RALGAPA1: variants seen among roughly 807,000 people sequenced by gnomAD.
The protein encoded by RALGAPA1 is Ral GTPase activating protein catalytic subunit alpha 1, also known as ral GTPase-activating protein subunit alpha-1.
Under a neutral mutation model 269.6 loss-of-function variants are expected in RALGAPA1, and 52 were observed. The ratio of observed to expected loss-of-function variants is 0.19; its 90% CI spans 0.15 to 0.24. The LOEUF (loss-of-function observed/expected upper bound fraction) is 0.24, where lower values mean the gene tolerates loss of function less well. RALGAPA1 is among the 10% of genes least tolerant of loss of function. RALGAPA1 has a pLI of 1.00. For synonymous variants in RALGAPA1, 817 were observed against 1,008.3 expected (o/e 0.81, Z 3.60); for missense variants, 1,917 against 3,013.9 (o/e 0.64, Z 8.52).
chr14:35,807,643 T>C (rs773896776), intron 1 of RALGAPA1, among the ~76,000 whole-genome samples: 11 of 152,182 alleles, frequency 7.2e-5, no homozygotes, highest in Non-Finnish European at 1.5e-4. Flanking sequence ...GCAAGGATTA[T>C]CATAATTTAC....
chr14:35,637,979 C>T (rs191238119), intron 31 of RALGAPA1, among the ~76,000 whole-genome samples: 63 of 152,230 alleles, frequency 4.1e-4, no homozygotes, highest in Admixed American at 8.5e-4. Context: ...AAATATCCTT[C>T]GAACATGGAG....
At position 35,743,282 on chromosome 14, in the gene RALGAPA1, C is replaced by A. The variant is rs1397486700; in HGVS notation, c.1252-717G>T. 3.9e-5 allele frequency among the ~76,000 whole-genome samples: 6 copies of A among 151,920 alleles called. 1 individual carries two copies. In the South Asian group the frequency reaches 1.2e-3, roughly 32 times the overall value. On this transcript the variant is annotated intron_variant, in intron 10 of 41. Coordinates refer to ENST00000680220, the MANE Select transcript of RALGAPA1 (RefSeq NM_001346249.2). Reference sequence around the variant, plus strand: ...ATAAAAAACAACTTTTAAAAGTTAACCAATTCATTGTCGTAAAAAGCCTAT... The same window carrying A: ...ATAAAAAACAACTTTTAAAAGTTAAACAATTCATTGTCGTAAAAAGCCTAT...
intron 37 of RALGAPA1, among the ~76,000 whole-genome samples, chr14:35,585,174 A>G (rs559199491): frequency 3.3e-5 from 5 of 152,332 alleles, no homozygotes; most frequent in Non-Finnish European, 5.9e-5. Flanking sequence ...AAATGCATCA[A>G]GCAAAAACTG....
At chr14:35,647,966 A>C (rs904581346) in intron 31 of RALGAPA1, among the ~76,000 whole-genome samples, 1 of 151,208 alleles carries the variant, frequency 6.6e-6, no homozygotes, top group African/African-American at 2.4e-5. Flanking sequence ...TAAATAAATA[A>C]ATAAGATGTT....
At chr14:35,679,850 A>G (rs1422662787) in intron 21 of RALGAPA1, among the ~76,000 whole-genome samples, 1 of 152,188 alleles carries the variant, frequency 6.6e-6, no homozygotes, top group Non-Finnish European at 1.5e-5. Context: ...TCATATAATC[A>G]TATGATAATC....
chr14:35,703,856 CAA>C, intron 16 of RALGAPA1, among the ~76,000 whole-genome samples: 1 of 142,712 alleles, frequency 7.0e-6, no homozygotes, highest in African/African-American at 2.6e-5. Flanking sequence ...TTTCCCCTCT[CAA>C]AAAAAAAAAA....
chr14:35,683,044 A>G (rs1262127511), intron 21 of RALGAPA1, among the ~76,000 whole-genome samples: 1 of 152,238 alleles, frequency 6.6e-6, no homozygotes, highest in African/African-American at 2.4e-5. Flanking sequence ...CCAGCCAACC[A>G]CAAGATGCAA....
At chr14:35,722,047 TA>T (rs1216322929) in intron 15 of RALGAPA1, among the ~76,000 whole-genome samples, 198 bp from the exon 16 acceptor site, 1 of 152,162 alleles carries the variant, frequency 6.6e-6, no homozygotes, top group Non-Finnish European at 1.5e-5. Flanking sequence ...TGCGCAATTT[TA>T]AAATTACACC....
At chr14:35,554,005 C>G (rs1269029626) in intron 39 of RALGAPA1, among the ~76,000 whole-genome samples, 2 of 152,114 alleles carry the variant, frequency 1.3e-5, no homozygotes, top group African/African-American at 4.8e-5. Flanking sequence ...CTTCTCTAGA[C>G]AGAAGATTCC....
At chr14:35,772,363 A>G (rs2074700803) in intron 3 of RALGAPA1, among the ~76,000 whole-genome samples, 1 of 152,212 alleles carries the variant, frequency 6.6e-6, no homozygotes, top group Non-Finnish European at 1.5e-5. Flanking sequence ...GACAGAGAGC[A>G]GGATTTAAAA....
chr14:35,724,972 C>G, intron 14 of RALGAPA1, 52 bp downstream of exon 14: 1 of 1,388,878 alleles, frequency 7.2e-7, no homozygotes, highest in Non-Finnish European at 9.5e-7. Flanking sequence ...CAAAACAAAA[C>G]AAAACAACCC....
At chr14:35,557,381 TTTAA>T (rs2055730155) in intron 39 of RALGAPA1, among the ~76,000 whole-genome samples, 1 of 151,796 alleles carries the variant, frequency 6.6e-6, no homozygotes, top group Non-Finnish European at 1.5e-5. Context: ...TGTGCACTAA[TTTAA>T]TTAAGATTTT....
At chr14:35,611,345 T>C (rs575447002) in intron 35 of RALGAPA1, among the ~76,000 whole-genome samples, 75 of 151,754 alleles carry the variant, frequency 4.9e-4, no homozygotes, top group Non-Finnish European at 8.5e-4. Flanking sequence ...CTACTAAAAA[T>C]ACAAAAATCA....
At chr14:35,677,732 G>A in intron 22 of RALGAPA1, 2 of 484,630 alleles carry the variant, frequency 4.1e-6, no homozygotes, top group East Asian at 8.7e-5. Flanking sequence ...TAACTAATTT[G>A]AGGACTCTAA....
intron 27 of RALGAPA1, 111 bp downstream of exon 27, chr14:35,664,531 T>G: frequency 1.1e-6 from 1 of 884,092 alleles, no homozygotes; most frequent in Non-Finnish European, 1.7e-6. Context: ...GCTAATGTTC[T>G]TTAACAATTG....
At position 35,685,019 on chromosome 14, in the gene RALGAPA1, G is replaced by A; in HGVS notation, c.4204C>T (p.Pro1402Ser). The part of the protein sequence containing the change: ...DPGVPSEWTS[P>S]ASAGSSDLIS... ...AGATCACTGCTCCCTGCACTGGCAG[G>A]AGAAGTCCATTCTGAGGGCACACCT... The change falls in exon 20 of 42, where the codon CCT (proline) becomes TCT (serine). Residue 1402 changes from proline (P) to serine (S), a missense_variant. Physicochemically the swap from Pro to Ser is moderately conservative, Grantham distance 74. This residue lies in a region of RALGAPA1 where 615 missense variants were observed against 790.0 expected (regional missense o/e 0.78). Coordinates refer to ENST00000680220, the MANE Select transcript of RALGAPA1 (RefSeq NM_001346249.2). 1 of 1,612,296 alleles carries A rather than the reference G, an allele frequency of 6.2e-7. No individual in the cohort carries two copies. The highest frequency in any genetic ancestry group is 1.1e-5 in the South Asian group (1 of 90,550).
intron 35 of RALGAPA1, among the ~76,000 whole-genome samples, chr14:35,622,609 G>T (rs1404197058): frequency 6.6e-6 from 1 of 152,192 alleles, no homozygotes; most frequent in Non-Finnish European, 1.5e-5. Flanking sequence ...ATAAACAGCT[G>T]TGAAGCAGAG....
At chr14:35,657,725 C>G (rs1339313793) in intron 28 of RALGAPA1, among the ~76,000 whole-genome samples, 1 of 147,342 alleles carries the variant, frequency 6.8e-6, no homozygotes, top group African/African-American at 2.5e-5. Flanking sequence ...AGCAAAAGAT[C>G]TACAGTCTTA....
chr14:35,580,050 T>C (rs983538533), intron 37 of RALGAPA1, among the ~76,000 whole-genome samples: 15 of 152,348 alleles, frequency 9.8e-5, no homozygotes, highest in Middle Eastern at 3.4e-3. Context: ...GTTCATTTAT[T>C]TGCACAACTA....
Sources: allele counts gnomAD v4.1 joint callset (sites outside exome capture counted in the v4.1 genomes callset), GRCh38; gene constraint gnomAD v4.1.1; regional missense constraint gnomAD v4.1.1; transcripts MANE v1.5; gene names NCBI Gene and HGNC (gene_info 2026-07-23, HGNC 2026-07-21).